Variants in SLC1A1 observed in about 807,000 individuals in gnomAD.
The protein encoded by SLC1A1 is solute carrier family 1 member 1.
SLC1A1 carries 43 observed loss-of-function variants against 53.3 expected under a neutral mutation model. That is an observed-to-expected ratio of 0.81 (90% confidence interval 0.63 to 1.04). The LOEUF (loss-of-function observed/expected upper bound fraction) is 1.04, where lower values mean the gene tolerates loss of function less well. Ranked by LOEUF, SLC1A1 falls within the 50% of genes least tolerant of loss-of-function variation. The pLI, the probability that SLC1A1 is intolerant of heterozygous loss-of-function variation, is 0.00. For synonymous variants in SLC1A1, 307 were observed against 243.2 expected, an observed-to-expected ratio of 1.26 and a Z score of -2.44; for missense variants, 748 against 664.9, an observed-to-expected ratio of 1.12 and a Z score of -1.37.
chr9:4,516,869 G>A lies in SLC1A1; in HGVS notation c.91+26099G>A, dbSNP rs78063134. 2.7e-3 allele frequency among the ~76,000 whole-genome samples: 417 copies of A among 152,234 alleles called. 1 individual carries two copies. The highest frequency in any genetic ancestry group is 9.7e-3 in the African/African-American group (402 of 41,524). On this transcript the variant is annotated intron_variant, in intron 1 of 11. Coordinates refer to ENST00000262352, the MANE Select transcript of SLC1A1 (RefSeq NM_004170.6). Reference sequence around the variant, plus strand: ...CCTGGCATTCAAGGGCTTTCATGGTGTGCCCCAAGTGATTTCCTAGTCTTG... The same window carrying A: ...CCTGGCATTCAAGGGCTTTCATGGTATGCCCCAAGTGATTTCCTAGTCTTG...
At chr9:4,502,697 A>G (rs1820677724) in intron 1 of SLC1A1, among the ~76,000 whole-genome samples, 1 of 151,728 alleles carries the variant, frequency 6.6e-6, no homozygotes, top group Non-Finnish European at 1.5e-5. Context: ...TTAGGTTACT[A>G]ATTATTAATC....
At position 4,586,572 on chromosome 9, in the gene SLC1A1, G is replaced by C. The variant is rs1417710459; in HGVS notation, c.*1014G>C. ...CAAAGCTGTCACTCACAAAAGGCTG[G>C]ATGTGCTTTCATCCAACTGGAAGGC... is the stretch of plus-strand genomic sequence containing the variant. On this transcript the variant is annotated 3_prime_UTR_variant, in exon 12 of 12. Coordinates refer to ENST00000262352, the MANE Select transcript of SLC1A1 (RefSeq NM_004170.6). 1 of 152,192 alleles carries C rather than the reference G, an allele frequency of 6.6e-6. No individual in the cohort carries two copies. Among genetic ancestry groups the C allele is most frequent in the Non-Finnish European group, 1.5e-5 (1 of 68,032 alleles). The allele number at this position is 152,192 out of a possible 1,614,324, so 9.4% of individuals were successfully genotyped here.
At chr9:4,525,762 G>C (rs1364197128) in intron 1 of SLC1A1, among the ~76,000 whole-genome samples, 6 of 152,040 alleles carry the variant, frequency 3.9e-5, no homozygotes, top group Admixed American at 3.9e-4. Context: ...CTGCAAAATA[G>C]GTGTGAGAAA....
chr9:4,553,568 T>C (rs1057068687), intron 2 of SLC1A1: 1 of 152,254 alleles, frequency 6.6e-6, no homozygotes, highest in Non-Finnish European at 1.5e-5. Flanking sequence ...GGTTACACCA[T>C]GTTGGCCAGG....
chr9:4,533,967 C>A (rs538156277), intron 1 of SLC1A1, among the ~76,000 whole-genome samples: 4 of 152,174 alleles, frequency 2.6e-5, no homozygotes, highest in African/African-American at 9.6e-5. Flanking sequence ...CTACTGGGTA[C>A]ATAACGAAAT....
intron 2 of SLC1A1, among the ~76,000 whole-genome samples, chr9:4,548,678 T>G (rs1817681965): frequency 6.6e-6 from 1 of 152,236 alleles, no homozygotes; most frequent in Non-Finnish European, 1.5e-5. Context: ...AATAATTTGT[T>G]AATGATTTTG....
chr9:4,491,252 C>G (rs1233190888), intron 1 of SLC1A1, among the ~76,000 whole-genome samples: 1 of 152,210 alleles, frequency 6.6e-6, no homozygotes, highest in Non-Finnish European at 1.5e-5. Context: ...GGGCCGGACC[C>G]TTAGGGGAGG....
At chr9:4,514,072 G>A (rs900114091) in intron 1 of SLC1A1, among the ~76,000 whole-genome samples, 7 of 152,198 alleles carry the variant, frequency 4.6e-5, no homozygotes, top group African/African-American at 1.7e-4. Context: ...CAGCATGAGA[G>A]AGCTCTTTGG....
At chr9:4,581,556 G>A (rs1385386020) in intron 10 of SLC1A1, among the ~76,000 whole-genome samples, 1 of 152,230 alleles carries the variant, frequency 6.6e-6, no homozygotes, top group African/African-American at 2.4e-5. Flanking sequence ...ACACGTCAGG[G>A]TTTCCAAGAG....
chr9:4,506,663 G>C (rs1042061745), intron 1 of SLC1A1, among the ~76,000 whole-genome samples: 1 of 152,156 alleles, frequency 6.6e-6, no homozygotes, highest in Non-Finnish European at 1.5e-5. Flanking sequence ...CAGTAACTGT[G>C]AAAGACTGGA....
intron 3 of SLC1A1, 128 bp downstream of exon 3, chr9:4,561,669 A>T (rs1818956135): frequency 2.7e-6 from 2 of 745,756 alleles, no homozygotes; most frequent in Non-Finnish European, 2.4e-6. Context: ...ATGTGGGCAG[A>T]TCCCTTGAGG....
At position 4,583,878 on chromosome 9, in the gene SLC1A1, TCTCTCACA is replaced by T. The variant is rs1222015069; in HGVS notation, c.1328+708_1328+715del. Among the ~76,000 whole-genome samples the T allele has an allele frequency of 2.3e-5, 3 of 132,230 alleles. No homozygotes were observed. The highest frequency in any genetic ancestry group is 1.0e-4 in the African/African-American group (3 of 29,398). 86.7% of individuals were successfully genotyped at this position (132,230 alleles called of 152,430 possible). A position where few individuals can be genotyped will look rare whatever the true frequency, so the allele number is the denominator to read the frequency against. On this transcript the variant is annotated intron_variant, in intron 11 of 11. Transcript: ENST00000262352. The surrounding 1 kb of genome is among the most constrained non-coding windows in gnomAD (Gnocchi z 4.6). ...TTCTCTCTCTCTCTCTCTCTCTCTC[TCTCTCACA>T]CACACACACACACACACACACACAC... is the stretch of plus-strand genomic sequence containing the variant.
At chr9:4,502,607 A>G (rs1820674897) in intron 1 of SLC1A1, among the ~76,000 whole-genome samples, 2 of 151,618 alleles carry the variant, frequency 1.3e-5, no homozygotes, top group Admixed American at 1.3e-4. Flanking sequence ...AGATGAGGAA[A>G]CTGAAATTTA....
intron 1 of SLC1A1, among the ~76,000 whole-genome samples, chr9:4,543,524 T>C (rs1817193102): frequency 6.6e-6 from 1 of 152,216 alleles, no homozygotes; most frequent in South Asian, 2.1e-4. Flanking sequence ...AACTGAAGGA[T>C]TTCAATATGG....
chr9:4,524,329 G>A (rs1816187779), intron 1 of SLC1A1, among the ~76,000 whole-genome samples: 1 of 152,174 alleles, frequency 6.6e-6, no homozygotes, highest in African/African-American at 2.4e-5. Flanking sequence ...TAATATGATA[G>A]TTGAGCTAAT....
chr9:4,584,737 C>A (rs1301728774), intron 11 of SLC1A1, among the ~76,000 whole-genome samples: 1 of 152,214 alleles, frequency 6.6e-6, no homozygotes, highest in Non-Finnish European at 1.5e-5. Flanking sequence ...GGGTGGCCCA[C>A]AGAGAAATCC....
Position 4,578,699 on chromosome 9 carries a change from A to G in SLC1A1, c.1193+1936A>G, listed in dbSNP as rs191617140. Among the ~76,000 whole-genome samples the G allele has an allele frequency of 2.1e-3, 315 of 152,380 alleles. 3 individuals carry two copies. Among genetic ancestry groups the G allele is most frequent in the African/African-American group, 7.1e-3 (297 of 41,588 alleles). On this transcript the variant is annotated intron_variant, in intron 10 of 11. Coordinates refer to ENST00000262352, the MANE Select transcript of SLC1A1 (RefSeq NM_004170.6). Reference sequence around the variant, plus strand: ...TGCCCAAGTAGATGGTAGAACTGTCATTAGTGGATTTTGCCAGATTTGTTT... The same window carrying G: ...TGCCCAAGTAGATGGTAGAACTGTCGTTAGTGGATTTTGCCAGATTTGTTT...
chr9:4,574,197 T>C (rs1350573665), intron 8 of SLC1A1, among the ~76,000 whole-genome samples, 183 bp downstream of exon 8: 2 of 152,196 alleles, frequency 1.3e-5, no homozygotes, highest in African/African-American at 2.4e-5. Flanking sequence ...AGGTGGATCA[T>C]GCTGTGCTAA....
chr9:4,496,106 A>G (rs909154428), intron 1 of SLC1A1, among the ~76,000 whole-genome samples: 1 of 152,146 alleles, frequency 6.6e-6, no homozygotes, highest in African/African-American at 2.4e-5. Context: ...AAAAGGGAGA[A>G]GAGAAGACCA....
Sources: gnomAD v4.1 joint callset for allele counts (sites outside exome capture counted in the v4.1 genomes callset) on GRCh38, gnomAD v4.1.1 for gene constraint, Gnocchi (gnomAD v3.1) non-coding constraint, MANE v1.5 for transcripts, NCBI Gene and HGNC (gene_info 2026-07-23, HGNC 2026-07-21) for gene names.